PDE12: variants seen among roughly 807,000 people sequenced by gnomAD.
The protein encoded by PDE12 is 2',5'-phosphodiesterase 12.
PDE12 carries 26 observed loss-of-function variants against 45.4 expected under a neutral mutation model. The observed-to-expected ratio is 0.57, with a 90% confidence interval of 0.42 to 0.79. The LOEUF is 0.79. Ranked by LOEUF, PDE12 falls within the 30% of genes least tolerant of loss-of-function variation. PDE12 has a pLI of 0.00. For synonymous variants in PDE12, 283 were observed against 323.9 expected (o/e 0.87, Z 1.36); for missense variants, 668 against 790.0 (o/e 0.85, Z 1.85).
At chr3:57,652,056 AAAATAAAT>A in the PDE12 span, among the ~76,000 whole-genome samples, 3 of 152,130 alleles carry the variant, frequency 2.0e-5, no homozygotes, top group African/African-American at 7.2e-5. Flanking sequence ...AATAAAAATA[AAAATAAAT>A]AAATAAATAA....
chr3:57,597,046 C>G, the PDE12 span: 4 of 1,611,178 alleles, frequency 2.5e-6, no homozygotes, highest in Non-Finnish European at 3.4e-6. Flanking sequence ...TTTCCCAGGT[C>G]CCGCCTGACT....
the PDE12 span, among the ~76,000 whole-genome samples, chr3:57,613,474 C>T: frequency 2.7e-5 from 4 of 150,936 alleles, no homozygotes; most frequent in Non-Finnish European, 5.9e-5. Flanking sequence ...TTGTATTTTT[C>T]GTAGAGACAG....
chr3:57,641,684 G>C, the PDE12 span: 1 of 1,612,880 alleles, frequency 6.2e-7, no homozygotes, highest in East Asian at 2.2e-5. Flanking sequence ...TTCGAATAAT[G>C]TGTGGCCAGT....
chr3:57,646,526 T>G, the PDE12 span: 3 of 1,452,960 alleles, frequency 2.1e-6, no homozygotes, highest in Non-Finnish European at 1.8e-6. Flanking sequence ...AAACTCCACA[T>G]TGATATAAAT....
At chr3:57,620,494 AAAAT>A in the PDE12 span, among the ~76,000 whole-genome samples, 1 of 152,234 alleles carries the variant, frequency 6.6e-6, no homozygotes, top group Non-Finnish European at 1.5e-5. Flanking sequence ...CAATCAAAGA[AAAAT>A]AAATAAAGGT....
the PDE12 span, among the ~76,000 whole-genome samples, chr3:57,589,472 C>A: frequency 1.3e-5 from 2 of 152,156 alleles, no homozygotes; most frequent in Admixed American, 6.6e-5. Context: ...GTAATCCCAG[C>A]ACTTTGGGAG....
At chr3:57,652,470 A>C in the PDE12 span, among the ~76,000 whole-genome samples, 1 of 152,130 alleles carries the variant, frequency 6.6e-6, no homozygotes, top group Admixed American at 6.5e-5. Context: ...ACCACATAAA[A>C]AACTCTGAGC....
chr3:57,573,201 CAA>C, the PDE12 span, among the ~76,000 whole-genome samples: 10 of 125,762 alleles, frequency 8.0e-5, no homozygotes, highest in Non-Finnish European at 8.2e-5. Context: ...GACTCCATCT[CAA>C]AAAAAAAAAA....
chr3:57,561,101 G>A lies in PDE12; in HGVS notation c.*1097G>A, dbSNP rs974273214. ...ATGCAAGCACAATTTAGTATTCAAA[G>A]TGAGTAGCAACATATTCAACTTGAT... On this transcript the variant is annotated 3_prime_UTR_variant, in exon 3 of 3. Transcript: ENST00000311180. The A allele has an allele frequency of 1.1e-5, 11 of 984,212 alleles. No individual in the cohort carries two copies. The African/African-American group carries it at 1.7e-4, about 16-fold the overall frequency. 61.0% of individuals were successfully genotyped at this position (984,212 alleles called of 1,614,324 possible). A position where few individuals can be genotyped will look rare whatever the true frequency, so the allele number is the denominator to read the frequency against.
At chr3:57,589,640 C>A in the PDE12 span, among the ~76,000 whole-genome samples, 1 of 151,128 alleles carries the variant, frequency 6.6e-6, no homozygotes, top group African/African-American at 2.4e-5. Context: ...ATCGCTTGAA[C>A]CCGGGAGGTG....
chr3:57,556,931 C>A lies in PDE12; in HGVS notation c.552C>A (p.Ser184Arg). The change falls in exon 1 of 3, where the codon AGC becomes AGA. Residue 184 changes from serine (S) to arginine (R), a missense_variant. Physicochemically the swap from Ser to Arg is moderately radical, Grantham distance 110 (BLOSUM62 -1). This residue lies in a region of PDE12 where 580 missense variants were observed against 662.9 expected (regional missense o/e 0.87). Coordinates refer to ENST00000311180, the MANE Select transcript of PDE12 (RefSeq NM_177966.7). The surrounding 1 kb of genome is among the most constrained non-coding windows in gnomAD (Gnocchi z 5.0). The part of the protein sequence containing the change: ...MAGFPVCPKL[S>R]LEFGDPASSL... ...GGTTCCCTGTGTGCCCCAAACTCAG[C>A]CTCGAATTTGGGGATCCCGCCAGCT... is the stretch of plus-strand genomic sequence containing the variant. The A allele has an allele frequency of 6.2e-7, 1 of 1,614,182 alleles. No homozygotes were observed. The highest frequency in any genetic ancestry group is 2.2e-5 in the East Asian group (1 of 44,872).
the PDE12 span, among the ~76,000 whole-genome samples, chr3:57,613,714 C>T: frequency 2.0e-5 from 3 of 151,432 alleles, no homozygotes; most frequent in Non-Finnish European, 4.4e-5. Flanking sequence ...TCCTGGCTAA[C>T]ACGGTGAAAC....
the PDE12 span, among the ~76,000 whole-genome samples, chr3:57,623,180 C>T: frequency 4.1e-3 from 630 of 151,882 alleles, 4 homozygotes; most frequent in African/African-American, 0.013. Flanking sequence ...GAGGTGGAGG[C>T]GGGAGGACTG....
chr3:57,633,320 C>CT, the PDE12 span: 2 of 1,613,814 alleles, frequency 1.2e-6, no homozygotes, highest in East Asian at 2.2e-5. Flanking sequence ...AAGAATAACA[C>CT]TTTGAGCCTC....
the PDE12 span, among the ~76,000 whole-genome samples, chr3:57,586,291 T>C: frequency 6.6e-6 from 1 of 151,234 alleles, no homozygotes; most frequent in Non-Finnish European, 1.5e-5. Context: ...GACACTTTCT[T>C]AATATTTAAA....
At chr3:57,620,465 T>C in the PDE12 span, among the ~76,000 whole-genome samples, 5 of 152,028 alleles carry the variant, frequency 3.3e-5, no homozygotes, top group African/African-American at 4.8e-5. Flanking sequence ...CAACATTGCA[T>C]TGGGGATTCT....
the PDE12 span, chr3:57,577,315 C>A: frequency 6.2e-7 from 1 of 1,611,340 alleles, no homozygotes; most frequent in Admixed American, 1.7e-5. Flanking sequence ...ATATTTCTTA[C>A]CATTTTCTGC....
the PDE12 span, among the ~76,000 whole-genome samples, chr3:57,581,587 G>A: frequency 6.6e-6 from 1 of 152,188 alleles, no homozygotes; most frequent in Non-Finnish European, 1.5e-5. Context: ...GATCACATGA[G>A]GTCAGGAGAT....
chr3:57,573,805 C>T, the PDE12 span, among the ~76,000 whole-genome samples: 1 of 152,180 alleles, frequency 6.6e-6, no homozygotes, highest in Non-Finnish European at 1.5e-5. Flanking sequence ...TGGTCTCGAA[C>T]TCCTGGTCTC....
Sources: allele counts gnomAD v4.1 joint callset (sites outside exome capture counted in the v4.1 genomes callset), GRCh38; gene constraint gnomAD v4.1.1; regional missense constraint gnomAD v4.1.1; non-coding constraint Gnocchi (gnomAD v3.1); transcripts MANE v1.5; gene names NCBI Gene and HGNC (gene_info 2026-07-23, HGNC 2026-07-21).